SP140: variants seen among roughly 807,000 people sequenced by gnomAD.
The protein encoded by SP140 is nuclear body protein SP140.
A neutral mutation model predicts 125.0 loss-of-function variants in SP140; 81 were observed. The ratio of observed to expected loss-of-function variants is 0.65; its 90% CI spans 0.54 to 0.78. SP140 has a LOEUF of 0.78. Among genes scored for constraint, SP140 ranks in the 30% least tolerant of loss-of-function variants. The probability of loss-of-function intolerance (pLI) is 0.00; values close to 1 mark genes in which losing one functional copy is unlikely to be tolerated. For synonymous variants in SP140, 312 were observed against 354.0 expected, an observed-to-expected ratio of 0.88 and a Z score of 1.33; for missense variants, 858 against 1,037.0, an observed-to-expected ratio of 0.83 and a Z score of 2.37.
intron 12 of SP140, 70 bp from the exon 13 acceptor site, chr2:230,269,462 C>T (rs748458239): frequency 5.4e-6 from 5 of 923,078 alleles, no homozygotes; most frequent in Non-Finnish European, 9.1e-6. Flanking sequence ...TGCAGTATAG[C>T]AGCACTGGAA....
intron 21 of SP140, among the ~76,000 whole-genome samples, chr2:230,294,923 C>A (rs1224924157): frequency 6.6e-6 from 1 of 152,160 alleles, no homozygotes; most frequent in South Asian, 2.1e-4. Flanking sequence ...TTCCTGTTAC[C>A]ACAATGGTGC....
At chr2:230,248,832 G>A in intron 8 of SP140, 53 bp from the exon 9 acceptor site, 1 of 1,425,620 alleles carries the variant, frequency 7.0e-7, no homozygotes, top group Non-Finnish European at 9.9e-7. Flanking sequence ...AACACACTGA[G>A]GCCTGTGTCC....
At chr2:230,243,251 G>A (rs569718654) in intron 4 of SP140, among the ~76,000 whole-genome samples, 1 of 152,212 alleles carries the variant, frequency 6.6e-6, no homozygotes, top group Admixed American at 6.5e-5. Flanking sequence ...CTCCAATCCA[G>A]CTAAATCCTA....
intron 26 of SP140, 93 bp downstream of exon 26, chr2:230,311,688 T>C (rs1240369089): frequency 6.6e-7 from 1 of 1,517,268 alleles, no homozygotes; most frequent in East Asian, 2.3e-5. Flanking sequence ...CATCCTGTAA[T>C]AAGCTTGCAC....
intron 3 of SP140, among the ~76,000 whole-genome samples, chr2:230,239,911 C>A (rs938569818): frequency 6.6e-6 from 1 of 152,124 alleles, no homozygotes; most frequent in Non-Finnish European, 1.5e-5. Context: ...ACTTCTACTG[C>A]CCACATCTCA....
At chr2:230,263,070 A>G (rs1394486311) in intron 12 of SP140, among the ~76,000 whole-genome samples, 1 of 152,096 alleles carries the variant, frequency 6.6e-6, no homozygotes, top group Non-Finnish European at 1.5e-5. Flanking sequence ...GAAGTTCTCC[A>G]CTATTATTGT....
intron 21 of SP140, 121 bp from the exon 22 acceptor site, chr2:230,297,300 C>A: frequency 8.1e-7 from 1 of 1,228,580 alleles, no homozygotes; most frequent in Non-Finnish European, 1.1e-6. Flanking sequence ...TCTCTCTTCC[C>A]AATTATTTTT....
chr2:230,203,132 A>T (rs2043348307), exon 1 of SP140: 1 of 229,882 alleles, frequency 4.4e-6, no homozygotes, highest in Non-Finnish European at 8.7e-6. Context: ...AGAGATTTCC[A>T]AAAGTTTCTA....
At position 230,211,726 on chromosome 2, in the gene SP140, C is replaced by G. The variant is rs907643170; in HGVS notation, c.-322-1928C>G. Among the ~76,000 whole-genome samples, 8 of 152,246 alleles carry G rather than the reference C, an allele frequency of 5.3e-5. No homozygotes were observed. The East Asian group carries it at 1.4e-3, about 26-fold the overall frequency. On this transcript the variant is annotated intron_variant, in intron 1 of 4. Transcript: ENST00000456542. The surrounding 1 kb of genome is among the most constrained non-coding windows in gnomAD (Gnocchi z 4.2). ...TAAGCAACCATTCACTCTCAATTAG[C>G]CACTTGTTCTTCCATTGCTGTTAGC...
intron 22 of SP140, among the ~76,000 whole-genome samples, chr2:230,302,423 G>T (rs2058371445): frequency 6.6e-6 from 1 of 151,976 alleles, no homozygotes. Context: ...ATTTCTACTA[G>T]ACCTAAGAAA....
intron 22 of SP140, among the ~76,000 whole-genome samples, chr2:230,306,684 C>T (rs2058791678): frequency 6.6e-6 from 1 of 152,234 alleles, no homozygotes; most frequent in Non-Finnish European, 1.5e-5. Context: ...ATGCTTGGGG[C>T]AGAGCTGACA....
chr2:230,284,291 C>A, intron 15 of SP140, 55 bp from the exon 16 acceptor site: 1 of 1,502,156 alleles, frequency 6.7e-7, no homozygotes, highest in Non-Finnish European at 9.0e-7. Flanking sequence ...ATATAAAACT[C>A]AGAGAATTAT....
At chr2:230,196,844 C>A in the SP140 span, among the ~76,000 whole-genome samples, 1 of 152,158 alleles carries the variant, frequency 6.6e-6, no homozygotes, top group African/African-American at 2.4e-5. Flanking sequence ...TTTCCAGTTT[C>A]ATCCATGTCC....
chr2:230,316,098 C>A (rs557478884), downstream of SP140, among the ~76,000 whole-genome samples: 1 of 152,300 alleles, frequency 6.6e-6, no homozygotes, highest in East Asian at 1.9e-4. Flanking sequence ...TATAGCCTTT[C>A]TGGAAACTCT....
At chr2:230,230,149 C>T (rs900987660) in intron 1 of SP140, among the ~76,000 whole-genome samples, 3 of 152,008 alleles carry the variant, frequency 2.0e-5, no homozygotes, top group East Asian at 1.9e-4. Context: ...TCCATCTCCC[C>T]AAGAATTCAG....
chr2:230,265,675 G>T (rs2052989346), intron 12 of SP140, among the ~76,000 whole-genome samples: 1 of 152,040 alleles, frequency 6.6e-6, no homozygotes, highest in African/African-American at 2.4e-5. Flanking sequence ...TCAGCTCCAG[G>T]TAAAGTCGGA....
chr2:230,259,305 G>A (rs1362758901), intron 12 of SP140, among the ~76,000 whole-genome samples: 2 of 151,842 alleles, frequency 1.3e-5, no homozygotes, highest in South Asian at 2.1e-4. Flanking sequence ...ACACCTTTGC[G>A]TCCTCATAGC....
chr2:230,222,829 TG>T (rs2045932266), upstream of SP140, among the ~76,000 whole-genome samples: 1 of 149,392 alleles, frequency 6.7e-6, no homozygotes, highest in African/African-American at 2.5e-5. Flanking sequence ...ATTAGTTTCG[TG>T]TGTATTAAAG....
the SP140 span, among the ~76,000 whole-genome samples, chr2:230,190,316 G>A: frequency 5.3e-5 from 8 of 150,452 alleles, no homozygotes; most frequent in South Asian, 2.1e-4. Context: ...GATGTTGAGC[G>A]TTTTTCCATA....
Sources: gnomAD v4.1 joint callset for allele counts (sites outside exome capture counted in the v4.1 genomes callset) on GRCh38, gnomAD v4.1.1 for gene constraint, Gnocchi (gnomAD v3.1) non-coding constraint, MANE v1.5 for transcripts, NCBI Gene and HGNC (gene_info 2026-07-23, HGNC 2026-07-21) for gene names.